EPRS1: variants seen among roughly 807,000 people sequenced by gnomAD.
EPRS1 encodes bifunctional glutamate/proline--tRNA ligase.
EPRS1 carries 107 observed loss-of-function variants against 188.3 expected under a neutral mutation model. The ratio of observed to expected loss-of-function variants is 0.57; its 90% CI spans 0.49 to 0.67. EPRS1 has a LOEUF of 0.67. EPRS1 is among the 30% of genes least tolerant of loss of function. The probability of loss-of-function intolerance (pLI) is 0.00; values close to 1 mark genes in which losing one functional copy is unlikely to be tolerated. For missense variants in EPRS1, 1,577 were observed against 1,802.2 expected, an observed-to-expected ratio of 0.88 and a Z score of 2.26; for synonymous variants, 596 against 593.1, an observed-to-expected ratio of 1.00 and a Z score of -0.07.
At chr1:219,998,303 T>A (rs1348164576) in intron 17 of EPRS1, among the ~76,000 whole-genome samples, 1 of 152,094 alleles carries the variant, frequency 6.6e-6, no homozygotes, top group East Asian at 1.9e-4. Flanking sequence ...TTAACAGGCA[T>A]CTCAAGCTGT....
In EPRS1 at chr1:219,983,659, G is replaced by C. The variant is rs2647461; in HGVS notation, c.3091-261C>G. Among the ~76,000 whole-genome samples the C allele has an allele frequency of 4.7e-3, 709 of 152,088 alleles. 6 individuals are homozygous for C. The highest frequency in any genetic ancestry group is 0.017 in the African/African-American group (691 of 41,480). ...TGCAATCCCAGGACTTTGGGACGCC[G>C]AGGTGGGTGGATTGCTTGAGGTCAG... On this transcript the variant is annotated intron_variant, in intron 21 of 31. Coordinates refer to ENST00000366923, the MANE Select transcript of EPRS1 (RefSeq NM_004446.3).
chr1:220,007,141 G>A, intron 14 of EPRS1, 61 bp downstream of exon 14: 2 of 1,436,914 alleles, frequency 1.4e-6, no homozygotes, highest in East Asian at 2.4e-5. Context: ...TGTTTAATAA[G>A]TAAACACAAA....
At chr1:219,982,563 A>G (rs1660919197) in intron 23 of EPRS1, 1 of 380,904 alleles carries the variant, frequency 2.6e-6, no homozygotes, top group Non-Finnish European at 4.7e-6. Flanking sequence ...TAAAAATCCT[A>G]TAATTTAATG....
chr1:220,012,319 T>C (rs765577509), intron 12 of EPRS1, among the ~76,000 whole-genome samples: 12 of 152,204 alleles, frequency 7.9e-5, no homozygotes, highest in Admixed American at 2.0e-4. Context: ...CGTGACTGAC[T>C]ACTCAGTTCA....
intron 30 of EPRS1, among the ~76,000 whole-genome samples, chr1:219,970,676 G>A (rs1167450444): frequency 6.6e-6 from 1 of 151,942 alleles, no homozygotes. Flanking sequence ...CACGTGGAAG[G>A]CTGAGGCAGG....
intron 28 of EPRS1, among the ~76,000 whole-genome samples, chr1:219,976,474 A>C (rs979278195): frequency 6.6e-6 from 1 of 152,220 alleles, no homozygotes; most frequent in Non-Finnish European, 1.5e-5. Context: ...GTATTGTATT[A>C]TGTAGGAGAA....
chr1:219,988,735 G>A lies in EPRS1; in HGVS notation c.2630C>T (p.Pro877Leu), dbSNP rs757428327. ...TGAATCCGAACTTTGAGATAATGGG[G>A]GCTGACCAGGTATGTACTCCTTCCC... is the stretch of plus-strand genomic sequence containing the variant. ...KTGKEYIPGQ[P>L]PLSQSSDSSP... Residue 877 changes from proline to leucine, a missense_variant, in exon 19 of 32, where the codon CCC (proline) becomes CTC (leucine). Physicochemically the swap from Pro to Leu is moderately conservative, Grantham distance 98. This residue lies in a region of EPRS1 where 1,278 missense variants were observed against 1,457.4 expected (regional missense o/e 0.88). Coordinates refer to ENST00000366923, the MANE Select transcript of EPRS1 (RefSeq NM_004446.3). The A allele has an allele frequency of 4.3e-6, 7 of 1,613,778 alleles. No individual in the cohort carries two copies. Among genetic ancestry groups the A allele is most frequent in the Non-Finnish European group, 5.1e-6 (6 of 1,179,794 alleles).
chr1:220,006,539 C>T (rs1035385773), intron 14 of EPRS1, among the ~76,000 whole-genome samples: 3 of 151,938 alleles, frequency 2.0e-5, no homozygotes, highest in African/African-American at 4.8e-5. Context: ...TCACTGACAT[C>T]GAGATACTAA....
chr1:220,030,105 T>C (rs1662057211), intron 6 of EPRS1, among the ~76,000 whole-genome samples: 2 of 152,200 alleles, frequency 1.3e-5, no homozygotes, highest in Admixed American at 1.3e-4. Context: ...AATTTAAGGT[T>C]TCTTATTTTT....
intron 28 of EPRS1, among the ~76,000 whole-genome samples, chr1:219,975,463 T>A (rs1346788746): frequency 6.6e-6 from 1 of 152,068 alleles, no homozygotes; most frequent in Non-Finnish European, 1.5e-5. Flanking sequence ...TGAGATGGAG[T>A]TTCGCTCTTG....
chr1:220,009,036 T>C (rs1661550917), intron 13 of EPRS1, among the ~76,000 whole-genome samples: 1 of 152,168 alleles, frequency 6.6e-6, no homozygotes, highest in South Asian at 2.1e-4. Flanking sequence ...TTCAAAACTT[T>C]TATTCTCAAG....
rs746704512 is a variant in EPRS1 at position 219,996,957 on chromosome 1, G to A, written c.2541+26C>T. The A allele has an allele frequency of 4.5e-6, 7 of 1,542,180 alleles. No homozygotes were observed. In the Admixed American group the frequency reaches 6.0e-5, roughly 13 times the overall value. On this transcript the variant is annotated intron_variant, in intron 18 of 31. Transcript: ENST00000366923. Reference sequence around the variant, plus strand: ...TTTGAATTCACACACTGAAAATGTGGTCTTGACTTTCTCTAACATACTGAC... The same window carrying A: ...TTTGAATTCACACACTGAAAATGTGATCTTGACTTTCTCTAACATACTGAC...
At chr1:220,025,769 TG>T (rs1231761393) in intron 6 of EPRS1, among the ~76,000 whole-genome samples, 3 of 152,060 alleles carry the variant, frequency 2.0e-5, no homozygotes, top group African/African-American at 7.2e-5. Context: ...CTCTAGGCTT[TG>T]GTTTTCTCAG....
At chr1:220,026,612 G>A (rs1255492857) in intron 6 of EPRS1, among the ~76,000 whole-genome samples, 2 of 151,722 alleles carry the variant, frequency 1.3e-5, no homozygotes, top group Admixed American at 1.3e-4. Context: ...CTCACTGCAA[G>A]TTCTGCCTCT....
At chr1:220,036,036 C>T (rs1403209911) in intron 2 of EPRS1, among the ~76,000 whole-genome samples, 1 of 152,040 alleles carries the variant, frequency 6.6e-6, no homozygotes, top group East Asian at 1.9e-4. Flanking sequence ...CCCGTCTCTT[C>T]TACAAATATA....
rs1044833957 is a variant in EPRS1 at position 219,995,424 on chromosome 1, T to A, written c.2541+1559A>T. Among the ~76,000 whole-genome samples the A allele has an allele frequency of 2.6e-5, 4 of 152,140 alleles. No individual in the cohort carries two copies. The East Asian group carries it at 7.7e-4, about 29-fold the overall frequency. On this transcript the variant is annotated intron_variant, in intron 18 of 31. Coordinates refer to ENST00000366923, the MANE Select transcript of EPRS1 (RefSeq NM_004446.3). Reference sequence around the variant, plus strand: ...GAATAAATTTGAAGACCAAAGCCCTTCCCTCCAAATTACACCTAAAAAGGA... The same window carrying A: ...GAATAAATTTGAAGACCAAAGCCCTACCCTCCAAATTACACCTAAAAAGGA...
intron 11 of EPRS1, among the ~76,000 whole-genome samples, 197 bp from the exon 12 acceptor site, chr1:220,018,705 A>G (rs948075465): frequency 7.9e-5 from 12 of 152,094 alleles, no homozygotes; most frequent in African/African-American, 2.2e-4. Context: ...GGTTCAGTCT[A>G]CAGACTGCTC....
chr1:220,041,903 CAG>C (rs1298741602), intron 1 of EPRS1, among the ~76,000 whole-genome samples: 1 of 152,068 alleles, frequency 6.6e-6, no homozygotes, highest in Non-Finnish European at 1.5e-5. Flanking sequence ...CCACTGGAAA[CAG>C]GGCTGTGGCA....
intron 12 of EPRS1, among the ~76,000 whole-genome samples, chr1:220,012,915 C>CACT (rs1661634689): frequency 2.1e-5 from 2 of 93,564 alleles, no homozygotes; most frequent in East Asian, 3.8e-4. Flanking sequence ...GTTTAATTTT[C>CACT]AAGAAAACTT....
Sources: allele counts gnomAD v4.1 joint callset (sites outside exome capture counted in the v4.1 genomes callset), GRCh38; gene constraint gnomAD v4.1.1; regional missense constraint gnomAD v4.1.1; transcripts MANE v1.5; gene names NCBI Gene and HGNC (gene_info 2026-07-23, HGNC 2026-07-21).